IL23R: variants seen among roughly 807,000 people sequenced by gnomAD.
IL23R encodes the protein interleukin-23 receptor.
A neutral mutation model predicts 56.9 loss-of-function variants in IL23R; 34 were observed. The observed-to-expected ratio is 0.60, with a 90% confidence interval of 0.45 to 0.80. The LOEUF is 0.80. IL23R is among the 30% of genes least tolerant of loss of function. The pLI, the probability that IL23R is intolerant of heterozygous loss-of-function variation, is 0.00. For synonymous variants in IL23R, 230 were observed against 249.2 expected (o/e 0.92, Z 0.73); for missense variants, 635 against 730.0 (o/e 0.87, Z 1.50).
chr1:67,234,232 C>A (rs79755370), intron 7 of IL23R, among the ~76,000 whole-genome samples: 6,348 of 152,188 alleles, frequency 0.042, 182 homozygotes, highest in Non-Finnish European at 0.06. Context: ...TGTTTCAGTC[C>A]TATGTCTAAC....
intron 4 of IL23R, among the ~76,000 whole-genome samples, chr1:67,194,358 C>A (rs945965055): frequency 2.0e-5 from 3 of 152,142 alleles, no homozygotes; most frequent in Non-Finnish European, 4.4e-5. Flanking sequence ...CCAGCCCCTA[C>A]CCTAAGCCTA....
Position 67,213,571 on chromosome 1 carries a change from T to C in IL23R, c.799-6003T>C, listed in dbSNP as rs115230329. 9.2e-3 allele frequency among the ~76,000 whole-genome samples: 1,399 copies of C among 152,310 alleles called. 23 individuals are homozygous for C. Among genetic ancestry groups the C allele is most frequent in the African/African-American group, 0.031 (1,306 of 41,556 alleles). The stretch of plus-strand genomic sequence containing the variant: ...ATATGATGGTGGTCCCATAAACTTA[T>C]CATGCAGCTGAAAAATTTCTGTCAC... On this transcript the variant is annotated intron_variant, in intron 6 of 10. Transcript: ENST00000347310.
intron 4 of IL23R, among the ~76,000 whole-genome samples, chr1:67,195,315 G>T (rs1010979275): frequency 1.3e-5 from 2 of 152,194 alleles, no homozygotes; most frequent in Non-Finnish European, 2.9e-5. Flanking sequence ...TTACAGGTGT[G>T]AGCCACCATG....
At chr1:67,184,651 T>A (rs779063577) in intron 4 of IL23R, among the ~76,000 whole-genome samples, 1 of 151,734 alleles carries the variant, frequency 6.6e-6, no homozygotes, top group Non-Finnish European at 1.5e-5. Flanking sequence ...GTATGCTTTT[T>A]TTTTTCTGTC....
chr1:67,200,234 G>C (rs1275919851), intron 4 of IL23R, among the ~76,000 whole-genome samples: 3 of 151,968 alleles, frequency 2.0e-5, no homozygotes, highest in African/African-American at 7.3e-5. Flanking sequence ...GGTAGAGACA[G>C]GGTTTCACCA....
At chr1:67,208,782 G>T (rs80287928) in intron 6 of IL23R, among the ~76,000 whole-genome samples, 1 of 152,182 alleles carries the variant, frequency 6.6e-6, no homozygotes, top group African/African-American at 2.4e-5. Context: ...AGTCCCTAGT[G>T]GGGCATTGCC....
At chr1:67,151,743 C>G (rs565135436) in intron 1 of IL23R, among the ~76,000 whole-genome samples, 1 of 152,066 alleles carries the variant, frequency 6.6e-6, no homozygotes, top group African/African-American at 2.4e-5. Flanking sequence ...TCACGTTTGT[C>G]GAAGATCAGA....
intron 3 of IL23R, among the ~76,000 whole-genome samples, chr1:67,181,168 C>T (rs1213473650): frequency 2.0e-5 from 3 of 152,094 alleles, no homozygotes; most frequent in Admixed American, 6.6e-5. Context: ...TGTTGGCCTG[C>T]CTTGCTAGAT....
downstream of IL23R, among the ~76,000 whole-genome samples, chr1:67,261,905 A>C (rs1653215513): frequency 6.6e-6 from 1 of 152,126 alleles, no homozygotes. Flanking sequence ...CTGCTTTCTC[A>C]TTCTGTGGTG....
chr1:67,179,374 A>G (rs1487641437), intron 3 of IL23R, among the ~76,000 whole-genome samples: 2 of 152,048 alleles, frequency 1.3e-5, no homozygotes, highest in Non-Finnish European at 2.9e-5. Flanking sequence ...GAATTTATCC[A>G]TTTCTTCTAG....
chr1:67,188,809 C>T (rs895197696), intron 4 of IL23R, among the ~76,000 whole-genome samples: 1 of 152,016 alleles, frequency 6.6e-6, no homozygotes, highest in African/African-American at 2.4e-5. Flanking sequence ...TATAGGGGCA[C>T]TAAATTGATT....
intron 3 of IL23R, among the ~76,000 whole-genome samples, chr1:67,180,112 G>T (rs573727808): frequency 1.3e-5 from 2 of 152,196 alleles, no homozygotes; most frequent in Non-Finnish European, 2.9e-5. Context: ...AGGGTGGAGA[G>T]TTCTGTAGAT....
upstream of IL23R, among the ~76,000 whole-genome samples, chr1:67,162,743 T>C (rs147074419): frequency 5.8e-4 from 89 of 152,310 alleles, no homozygotes; most frequent in African/African-American, 2.0e-3. Flanking sequence ...CATTTATCCA[T>C]TTGTTTGATA....
Position 67,252,986 on chromosome 1 carries a change from A to T in IL23R, c.1149-2851A>T, listed in dbSNP as rs146663556. Among the ~76,000 whole-genome samples the T allele has an allele frequency of 1.2e-3, 188 of 152,044 alleles. 1 individual carries two copies. Among genetic ancestry groups the T allele is most frequent in the African/African-American group, 4.4e-3 (182 of 41,470 alleles). ...GACTCAGTTACTGTTACAGGCACAT[A>T]CTCCTAAGTCAGGTTTTCACTCTTG... On this transcript the variant is annotated intron_variant, in intron 9 of 10. Coordinates refer to ENST00000347310, the MANE Select transcript of IL23R (RefSeq NM_144701.3).
At position 67,168,129 on chromosome 1, in the gene IL23R, G is replaced by T. The variant is rs1884444; in HGVS notation, c.9G>T (p.Gln3His). Residue 3 changes from glutamine to histidine, a missense_variant, in exon 2 of 11, where the codon CAG becomes CAT. Physicochemically the swap from Gln to His is conservative, Grantham distance 24. Coordinates refer to ENST00000347310, the MANE Select transcript of IL23R (RefSeq NM_144701.3). MNQVTIQWDAVIA... is the reference protein window; with the variant it reads MNHVTIQWDAVIA... ...TTTTCCTGCTTCCAGACATGAATCA[G>T]GTCACTATTCAATGGGATGCAGTAA... 850,477 of 1,602,556 alleles carry T rather than the reference G, an allele frequency of 0.53. 228,378 individuals are homozygous for T. Among genetic ancestry groups the T allele is most frequent in the South Asian group, 0.63 (57,066 of 90,770 alleles).
intron 7 of IL23R, among the ~76,000 whole-genome samples, chr1:67,234,000 T>A (rs1261483892): frequency 6.6e-6 from 1 of 151,810 alleles, no homozygotes; most frequent in Non-Finnish European, 1.5e-5. Context: ...AATGCTTTTG[T>A]ATGTTAAAAT....
chr1:67,199,592 G>A (rs932487879), intron 4 of IL23R, among the ~76,000 whole-genome samples: 15 of 152,100 alleles, frequency 9.9e-5, no homozygotes, highest in African/African-American at 3.6e-4. Context: ...AAAATCAGAA[G>A]AGAAAAATAA....
intron 1 of IL23R, among the ~76,000 whole-genome samples, chr1:67,146,544 T>G (rs1558214794): frequency 6.6e-6 from 1 of 152,186 alleles, no homozygotes; most frequent in Non-Finnish European, 1.5e-5. Context: ...ATAAAAGTGA[T>G]AGACAGACAG....
intron 6 of IL23R, among the ~76,000 whole-genome samples, chr1:67,213,506 C>A (rs151300119): frequency 1.3e-5 from 2 of 152,244 alleles, no homozygotes; most frequent in Non-Finnish European, 2.9e-5. Flanking sequence ...AGAATATGTG[C>A]CACGCAGCAG....
Sources: gnomAD v4.1 joint callset for allele counts (sites outside exome capture counted in the v4.1 genomes callset) on GRCh38, gnomAD v4.1.1 for gene constraint, MANE v1.5 for transcripts, NCBI Gene and HGNC (gene_info 2026-07-23, HGNC 2026-07-21) for gene names.